PLS1: variants seen among roughly 807,000 people sequenced by gnomAD.
PLS1 encodes plastin 1, also known as plastin-1.
Under a neutral mutation model 73.7 loss-of-function variants are expected in PLS1, and 32 were observed. The ratio of observed to expected loss-of-function variants is 0.43; its 90% CI spans 0.33 to 0.58. The LOEUF (loss-of-function observed/expected upper bound fraction) is 0.58. PLS1 is among the 20% of genes least tolerant of loss of function. The pLI, the probability that PLS1 is intolerant of heterozygous loss-of-function variation, is 0.04. For synonymous variants in PLS1, 217 were observed against 261.3 expected (o/e 0.83, Z 1.63); for missense variants, 633 against 740.5 (o/e 0.85, Z 1.68).
At chr3:142,684,559 A>T (rs1177900296) in intron 8 of PLS1, among the ~76,000 whole-genome samples, 164 bp downstream of exon 8, 1 of 152,198 alleles carries the variant, frequency 6.6e-6, no homozygotes, top group Non-Finnish European at 1.5e-5. Flanking sequence ...ATATTCACAA[A>T]ATATATATTT....
rs912097810 is a variant in PLS1, at chr3:142,710,008, T to C, written c.1630-1493T>C. Among the ~76,000 whole-genome samples, 3 of 152,026 alleles carry C rather than the reference T, an allele frequency of 2.0e-5. 1 individual carries two copies. Among genetic ancestry groups the C allele is most frequent in the Admixed American group, 2.0e-4 (3 of 15,260 alleles). On this transcript the variant is annotated intron_variant, in intron 14 of 15. Coordinates refer to ENST00000457734, the MANE Select transcript of PLS1 (RefSeq NM_001145319.2). ...CTAAGAATCCTATGACATTCTACTTTAGAGATTAGGAAAGGGTGCTCTGGC... is the reference window on the plus strand; with the variant it reads ...CTAAGAATCCTATGACATTCTACTTCAGAGATTAGGAAAGGGTGCTCTGGC...
At chr3:142,706,971 C>T (rs932841983) in intron 14 of PLS1, among the ~76,000 whole-genome samples, 1 of 152,010 alleles carries the variant, frequency 6.6e-6, no homozygotes, top group Non-Finnish European at 1.5e-5. Context: ...AAAGGAGATA[C>T]TAAAACTGGA....
intron 1 of PLS1, among the ~76,000 whole-genome samples, chr3:142,625,148 C>G (rs530981695): frequency 6.6e-6 from 1 of 152,042 alleles, no homozygotes; most frequent in Admixed American, 6.6e-5. Flanking sequence ...TCTGGAAATA[C>G]GAGCTCAAAG....
intron 1 of PLS1, among the ~76,000 whole-genome samples, chr3:142,598,941 C>T (rs1279006947): frequency 2.0e-5 from 3 of 151,432 alleles, no homozygotes; most frequent in Admixed American, 2.0e-4. Flanking sequence ...GCGGAGCTTG[C>T]AGTGAGCCAA....
intron 1 of PLS1, among the ~76,000 whole-genome samples, chr3:142,605,422 G>A (rs2036000619): frequency 6.6e-6 from 1 of 152,198 alleles, no homozygotes; most frequent in African/African-American, 2.4e-5. Flanking sequence ...TCAGGCTGGA[G>A]TGAGGGGCAC....
In PLS1 at chr3:142,678,041, C is replaced by T. The variant is rs2037759563; in HGVS notation, c.507C>T (p.Ile169=). 5 of 1,508,838 alleles carry T rather than the reference C, an allele frequency of 3.3e-6. No individual in the cohort carries two copies. The African/African-American group carries it at 7.1e-5, about 22-fold the overall frequency. The allele number at this position is 1,508,838 out of a possible 1,614,324, so 93.5% of individuals were successfully genotyped here. A position where few individuals can be genotyped will look rare whatever the true frequency, so the allele number is the denominator to read the frequency against. Residue 169 remains isoleucine, a synonymous_variant, in exon 6 of 16, where the codon ATC becomes ATT. Transcript: ENST00000457734. ...CTCATTTTCTCTTTAGCAAAATGAT[C>T]AACTTATCTGAACCAGATACAATTG... ...LADGILLCKM[I]NLSEPDTIDE...
chr3:142,679,307 G>A (rs1216193290), intron 6 of PLS1, among the ~76,000 whole-genome samples: 1 of 150,654 alleles, frequency 6.6e-6, no homozygotes, highest in Non-Finnish European at 1.5e-5. Context: ...TTTGTCTTTT[G>A]TTGCCATTGC....
chr3:142,673,655 T>C (rs998427302), intron 4 of PLS1: 8 of 152,362 alleles, frequency 5.3e-5, no homozygotes, highest in African/African-American at 1.9e-4. Flanking sequence ...CCAGGGTTGA[T>C]TTGGCTGATC....
At chr3:142,597,338 C>T (rs1188297121) in intron 1 of PLS1, 2 of 152,176 alleles carry the variant, frequency 1.3e-5, no homozygotes, top group African/African-American at 4.8e-5. Flanking sequence ...GGGGCACACA[C>T]TGAACTTGAA....
intron 2 of PLS1, among the ~76,000 whole-genome samples, chr3:142,665,297 C>CAA (rs11285999): frequency 6.2e-5 from 7 of 112,328 alleles, no homozygotes; most frequent in South Asian, 6.1e-4. Flanking sequence ...AAAAGCACTC[C>CAA]AAAAAAAAAA....
intron 1 of PLS1, among the ~76,000 whole-genome samples, chr3:142,649,159 G>T (rs13058771): frequency 0.62 from 94,429 of 151,612 alleles, 29,851 homozygotes; most frequent in African/African-American, 0.66. Flanking sequence ...CACTTTGTCA[G>T]CTTTAGCTGA....
At chr3:142,654,979 G>A in intron 1 of PLS1, 1 of 152,142 alleles carries the variant, frequency 6.6e-6, no homozygotes, top group Middle Eastern at 3.4e-3. Context: ...TACCTTTAAT[G>A]AATTTTACTA....
chr3:142,672,081 A>G (rs2037614828), intron 4 of PLS1, among the ~76,000 whole-genome samples: 1 of 152,178 alleles, frequency 6.6e-6, no homozygotes, highest in Non-Finnish European at 1.5e-5. Flanking sequence ...AAAAATTATT[A>G]AGGTATAATA....
At chr3:142,634,691 A>C (rs1191678983) in intron 1 of PLS1, among the ~76,000 whole-genome samples, 1 of 152,198 alleles carries the variant, frequency 6.6e-6, no homozygotes, top group Non-Finnish European at 1.5e-5. Context: ...AGACATGTGA[A>C]AACTGAAAGA....
At chr3:142,627,886 C>T (rs1013462470) in intron 1 of PLS1, 1 of 151,992 alleles carries the variant, frequency 6.6e-6, no homozygotes, top group Non-Finnish European at 1.5e-5. Flanking sequence ...CTGCCTTGGC[C>T]TCCCAAAGTG....
At chr3:142,623,316 C>A (rs1247039136) in intron 1 of PLS1, 1 of 147,558 alleles carries the variant, frequency 6.8e-6, no homozygotes, top group Non-Finnish European at 1.5e-5. Context: ...ACATTTTTGC[C>A]TCTTGATTTT....
chr3:142,664,147 T>C, intron 1 of PLS1, 55 bp from the exon 2 acceptor site: 1 of 699,498 alleles, frequency 1.4e-6, no homozygotes, highest in Non-Finnish European at 2.5e-6. Flanking sequence ...CTTATATTGC[T>C]TAGTTAAATG....
chr3:142,705,141 T>G (rs2038432454), intron 14 of PLS1, among the ~76,000 whole-genome samples: 1 of 152,174 alleles, frequency 6.6e-6, no homozygotes, highest in Non-Finnish European at 1.5e-5. Flanking sequence ...TAGGTTAATA[T>G]TATCTGACTC....
chr3:142,628,673 A>C (rs2036486144), intron 1 of PLS1, among the ~76,000 whole-genome samples: 1 of 152,208 alleles, frequency 6.6e-6, no homozygotes, highest in African/African-American at 2.4e-5. Flanking sequence ...CTTTGGTTTT[A>C]GGCCACCATG....
Sources: allele counts gnomAD v4.1 joint callset (sites outside exome capture counted in the v4.1 genomes callset), GRCh38; gene constraint gnomAD v4.1.1; transcripts MANE v1.5; gene names NCBI Gene and HGNC (gene_info 2026-07-23, HGNC 2026-07-21).